The following ZNF667 variants were observed in gnomAD, a reference collection of about 807,000 sequenced individuals.
ZNF667 encodes the protein myocardial ischemic preconditioning upregulated 1 ortholog.
In ZNF667, 13 loss-of-function variants were observed where a neutral mutation model predicts 31.8. That is an observed-to-expected ratio of 0.41 (90% CI 0.27 to 0.65). ZNF667 has a LOEUF of 0.65. Among genes scored for constraint, ZNF667 ranks in the 30% least tolerant of loss-of-function variants. The probability of loss-of-function intolerance (pLI) is 0.32; values close to 1 mark genes in which losing one functional copy is unlikely to be tolerated. For missense variants in ZNF667, 642 were observed against 725.6 expected (o/e 0.88, Z 1.32); for synonymous variants, 228 against 247.1 (o/e 0.92, Z 0.73).
intron 3 of ZNF667, among the ~76,000 whole-genome samples, chr19:56,463,333 G>C (rs528290639): frequency 6.6e-6 from 1 of 152,266 alleles, no homozygotes; most frequent in East Asian, 1.9e-4. Context: ...TTGGTGGCAT[G>C]ACTAGGGTGG....
chr19:56,452,989 CTT>C (rs2042865728), intron 6 of ZNF667, among the ~76,000 whole-genome samples: 2 of 150,786 alleles, frequency 1.3e-5, no homozygotes, highest in South Asian at 4.2e-4. Context: ...AATTGACAAA[CTT>C]TTAATCAGAT....
At chr19:56,473,088 G>A (rs2043327586) in intron 2 of ZNF667, 1 of 152,228 alleles carries the variant, frequency 6.6e-6, no homozygotes, top group Admixed American at 6.5e-5. Context: ...CATGTCTTCA[G>A]ACATCTTTGC....
rs1376404044 is a variant in ZNF667, at chr19:56,451,861, C to G, written c.253+6294G>C. Among the ~76,000 whole-genome samples, 3 of 110,662 alleles carry G rather than the reference C, an allele frequency of 2.7e-5. No individual in the cohort carries two copies. The South Asian group carries it at 8.3e-4, about 31-fold the overall frequency. 72.6% of individuals were successfully genotyped at this position (110,662 alleles called of 152,430 possible). A position where few individuals can be genotyped will look rare whatever the true frequency, so the allele number is the denominator to read the frequency against. On this transcript the variant is annotated intron_variant, in intron 6 of 6. Coordinates refer to ENST00000504904, the MANE Select transcript of ZNF667 (RefSeq NM_001321356.2). ...TCCAGCCTGGGTGACAGAGCAAGACCCTGTCTCAAAAAAAAAAAAAAAAAA... is the reference window on the plus strand; with the variant it reads ...TCCAGCCTGGGTGACAGAGCAAGACGCTGTCTCAAAAAAAAAAAAAAAAAA...
At chr19:56,451,196 A>G (rs2042814641) in intron 6 of ZNF667, among the ~76,000 whole-genome samples, 1 of 152,220 alleles carries the variant, frequency 6.6e-6, no homozygotes, top group Non-Finnish European at 1.5e-5. Flanking sequence ...TAGATAAAAT[A>G]GAGCTTAAGA....
At chr19:56,476,514 G>C (rs2043410847) in intron 1 of ZNF667, among the ~76,000 whole-genome samples, 1 of 152,212 alleles carries the variant, frequency 6.6e-6, no homozygotes, top group African/African-American at 2.4e-5. Context: ...ACGGTGATTA[G>C]TATGTGACAA....
chr19:56,455,458 C>A (rs1336760094), intron 6 of ZNF667, among the ~76,000 whole-genome samples: 1 of 152,168 alleles, frequency 6.6e-6, no homozygotes, highest in Non-Finnish European at 1.5e-5. Flanking sequence ...AGGATGAGAT[C>A]CTGTAATCTG....
At position 56,442,387 on chromosome 19, in the gene ZNF667, T is replaced by C. The variant is rs144928975; in HGVS notation, c.608A>G (p.Asn203Ser). The change falls in exon 7 of 7, where the codon AAT becomes AGT. Residue 203 changes from asparagine to serine, a missense_variant. Asn to Ser is a conservative substitution (Grantham distance 46). Coordinates refer to ENST00000504904, the MANE Select transcript of ZNF667 (RefSeq NM_001321356.2). The stretch of plus-strand genomic sequence containing the variant: ...TTGATTGAAGCTTTCCCCACATTTA[T>C]TGCATTCATGGCTTTTCTTTCCACT... ...IHSGKKSHEC[N>S]KCGESFNQRT... The C allele has an allele frequency of 1.9e-5, 30 of 1,614,168 alleles. No homozygotes were observed. The African/African-American group carries it at 3.6e-4, about 19-fold the overall frequency.
intron 3 of ZNF667, among the ~76,000 whole-genome samples, chr19:56,463,953 C>T (rs10413801): frequency 0.015 from 2,267 of 151,970 alleles, 50 homozygotes; most frequent in African/African-American, 0.05. Context: ...ATTTGGTTAC[C>T]GTAAAACTTT....
rs150516002 is a variant in ZNF667, at chr19:56,458,167, G to A, written c.241C>T (p.Arg81Cys). ...APWMVEPVRR[R>C]RAPDSGSKCE... ...CTCTGTCACTCACCAGGAGCCCGGCGTCTTCTTACTGGCTCTACCATCCAG... is the reference window on the plus strand; with the variant it reads ...CTCTGTCACTCACCAGGAGCCCGGCATCTTCTTACTGGCTCTACCATCCAG... The change falls in exon 6 of 7, where the codon CGC (arginine) becomes TGC (cysteine). Residue 81 changes from arginine to cysteine, a missense_variant. Physicochemically the swap from Arg to Cys is radical, Grantham distance 180 (BLOSUM62 -3). Coordinates refer to ENST00000504904, the MANE Select transcript of ZNF667 (RefSeq NM_001321356.2). The A allele has an allele frequency of 2.6e-3, 4,235 of 1,614,130 alleles. 5 individuals carry two copies. The highest frequency in any genetic ancestry group is 3.3e-3 in the Non-Finnish European group (3,835 of 1,179,964).
chr19:56,460,840 T>C, intron 4 of ZNF667, 25 bp from the exon 5 acceptor site: 1 of 1,567,720 alleles, frequency 6.4e-7, no homozygotes, highest in East Asian at 2.3e-5. Flanking sequence ...CAAATGTCTA[T>C]TCACCATGGA....
chr19:56,477,931 G>A (rs566392500), upstream of ZNF667: 1 of 152,622 alleles, frequency 6.6e-6, no homozygotes, highest in South Asian at 2.1e-4. Flanking sequence ...GTGAGGTGAA[G>A]AAGGCTTGGG....
chr19:56,471,262 T>C (rs2043287026), intron 3 of ZNF667, among the ~76,000 whole-genome samples: 2 of 152,194 alleles, frequency 1.3e-5, no homozygotes, highest in African/African-American at 4.8e-5. Flanking sequence ...AGCTGCTATG[T>C]TTCCTGTACA....
At chr19:56,447,590 T>TA (rs1042756864) in intron 6 of ZNF667, among the ~76,000 whole-genome samples, 9 of 149,182 alleles carry the variant, frequency 6.0e-5, no homozygotes, top group East Asian at 2.0e-4. Flanking sequence ...CCTGTCTCCT[T>TA]AAAAAAAAAC....
rs566395789 is a variant in ZNF667, at chr19:56,466,152, T to C, written c.-59-3723A>G. ...CACTGGGAGAGGACTCCAGGGAGCC[T>C]GGCCCTGGCTTCCCCAGGCTCTGCT... is the stretch of plus-strand genomic sequence containing the variant. On this transcript the variant is annotated intron_variant, in intron 3 of 6. Coordinates refer to ENST00000504904, the MANE Select transcript of ZNF667 (RefSeq NM_001321356.2). 1.1e-3 allele frequency among the ~76,000 whole-genome samples: 170 copies of C among 152,324 alleles called. 1 individual carries two copies. The highest frequency in any genetic ancestry group is 6.8e-3 in the Middle Eastern group (2 of 294).
chr19:56,456,465 T>C (rs1049250763), intron 6 of ZNF667, among the ~76,000 whole-genome samples: 2 of 152,148 alleles, frequency 1.3e-5, no homozygotes, highest in African/African-American at 4.8e-5. Context: ...ATTTCACAAT[T>C]GTGAGACCTC....
At chr19:56,467,571 C>T (rs1041873883) in intron 3 of ZNF667, 3 of 152,272 alleles carry the variant, frequency 2.0e-5, no homozygotes, top group African/African-American at 7.2e-5. Flanking sequence ...GGTCTCAGCC[C>T]CCAAGACTGC....
intron 3 of ZNF667, among the ~76,000 whole-genome samples, chr19:56,470,727 G>A (rs1365188943): frequency 2.0e-5 from 3 of 152,174 alleles, no homozygotes; most frequent in African/African-American, 7.2e-5. Flanking sequence ...ATCATGTTAA[G>A]ACTGAGGAGC....
At chr19:56,456,131 T>C (rs2042926496) in intron 6 of ZNF667, among the ~76,000 whole-genome samples, 1 of 152,212 alleles carries the variant, frequency 6.6e-6, no homozygotes, top group East Asian at 1.9e-4. Flanking sequence ...ACAAAGTAAG[T>C]TCTCAATAAA....
In ZNF667 at chr19:56,441,607, C is replaced by A. The variant is rs373361386; in HGVS notation, c.1388G>T (p.Arg463Ile). 2.5e-6 allele frequency: 4 copies of A among 1,613,920 alleles called. No individual in the cohort carries two copies. In the African/African-American group the frequency reaches 4.0e-5, roughly 16 times the overall value. Residue 463 changes from arginine to isoleucine, a missense_variant, in exon 7 of 7, where the codon AGA (arginine) becomes ATA (isoleucine). Transcript: ENST00000504904. The surrounding 1 kb of genome is among the most constrained non-coding windows in gnomAD (Gnocchi z 4.2). ...GTAGGGTTTTTCTCCAGTATGAATT[C>A]TTTGATGTTCAATAAGAAATGATTG... is the stretch of plus-strand genomic sequence containing the variant. ...GRQSFLIEHQ[R>I]IHTGEKPYQC...
Sources: gnomAD v4.1 joint callset for allele counts (sites outside exome capture counted in the v4.1 genomes callset) on GRCh38, gnomAD v4.1.1 for gene constraint, Gnocchi (gnomAD v3.1) non-coding constraint, MANE v1.5 for transcripts, NCBI Gene and HGNC (gene_info 2026-07-23, HGNC 2026-07-21) for gene names.